The following LRRIQ4 variants were observed in gnomAD, a reference collection of about 807,000 sequenced individuals.
LRRIQ4 encodes leucine rich repeats and IQ motif containing 4.
LRRIQ4 carries 21 observed loss-of-function variants against 40.1 expected under a neutral mutation model. The ratio of observed to expected loss-of-function variants is 0.52; its 90% CI spans 0.37 to 0.75. The LOEUF (loss-of-function observed/expected upper bound fraction) is 0.75, where lower values mean the gene tolerates loss of function less well. Among genes scored for constraint, LRRIQ4 ranks in the 30% least tolerant of loss-of-function variants. The pLI is 0.00. For synonymous variants in LRRIQ4, 277 were observed against 277.1 expected, an observed-to-expected ratio of 1.00 and a Z score of 0.00; for missense variants, 655 against 660.0, an observed-to-expected ratio of 0.99 and a Z score of 0.08.
At position 169,833,637 on chromosome 3, in the gene LRRIQ4, C is replaced by A. The variant is rs1229008882; in HGVS notation, c.1530+454C>A. On this transcript the variant is annotated intron_variant, in intron 5 of 5. Transcript: ENST00000340806. Reference sequence around the variant, plus strand: ...GTAATTCTGCTCTAGCCCTTTGAGCCCATGGAGATGTAGGACAGGTCTGGA... The same window carrying A: ...GTAATTCTGCTCTAGCCCTTTGAGCACATGGAGATGTAGGACAGGTCTGGA... Among the ~76,000 whole-genome samples, 4 of 152,138 alleles carry A rather than the reference C, an allele frequency of 2.6e-5. No homozygotes were observed. The South Asian group carries it at 6.2e-4, about 24-fold the overall frequency.
At position 169,830,626 on chromosome 3, in the gene LRRIQ4, A is replaced by G; in HGVS notation, c.1329A>G (p.Ala443=). 6.2e-7 allele frequency: 1 copy of G among 1,613,908 alleles called. No homozygotes were observed. Among genetic ancestry groups the G allele is most frequent in the Admixed American group, 1.7e-5 (1 of 60,004 alleles). The change falls in exon 4 of 6, where the codon GCA becomes GCG. Residue 443 remains alanine, a synonymous_variant. Coordinates refer to ENST00000340806, the MANE Select transcript of LRRIQ4 (RefSeq NM_001080460.3). The stretch of plus-strand genomic sequence containing the variant: ...AACTTCCAGATGCCATTTGCCAAGC[A>G]CAAGGTGAGGAAACTTAGTAGATTC... ...LKQLPDAICQ[A]QALKELRLED... is the part of the protein sequence containing the mutation.
rs1367601835 is a variant in LRRIQ4 at position 169,827,211 on chromosome 3, T to C, written c.1021-1548T>C. 5.9e-5 allele frequency among the ~76,000 whole-genome samples: 9 copies of C among 152,286 alleles called. No individual in the cohort carries two copies. The East Asian group carries it at 1.7e-3, about 29-fold the overall frequency. On this transcript the variant is annotated intron_variant, in intron 2 of 5. Coordinates refer to ENST00000340806, the MANE Select transcript of LRRIQ4 (RefSeq NM_001080460.3). ...GAATTAAGCCAGATAAAGGAACATA[T>C]GAGTTAAGGAGCTGTTGAGCTATAT...
chr3:169,822,196 T>C lies in LRRIQ4; in HGVS notation c.275T>C (p.Leu92Pro). The C allele has an allele frequency of 6.2e-7, 1 of 1,602,516 alleles. No homozygotes were observed. Among genetic ancestry groups the C allele is most frequent in the Non-Finnish European group, 8.5e-7 (1 of 1,176,818 alleles). Reference sequence around the variant, plus strand: ...AGGAGCCTGTGCCCGGCGCTGGGGCTGCTGAGCAGCCTGGAGAGCCTGGAC... The same window carrying C: ...AGGAGCCTGTGCCCGGCGCTGGGGCCGCTGAGCAGCCTGGAGAGCCTGGAC... ...NLRSLCPALG[L>P]LSSLESLDLS... is the part of the protein sequence containing the mutation. The change falls in exon 2 of 6, where the codon CTG (leucine) becomes CCG (proline). Residue 92 changes from leucine (L) to proline (P), a missense_variant. Physicochemically the swap from Leu to Pro is moderately conservative, Grantham distance 98 (BLOSUM62 -3). Coordinates refer to ENST00000340806, the MANE Select transcript of LRRIQ4 (RefSeq NM_001080460.3).
rs571750831 is a variant in LRRIQ4 at position 169,832,797 on chromosome 3, A to C, written c.1334-190A>C. ...ACTGAATTCTGTTCTCTTCATTTTG[A>C]GAAGGAGCAAACATAGAGCTAGAAC... is the stretch of plus-strand genomic sequence containing the variant. On this transcript the variant is annotated intron_variant, in intron 4 of 5. Coordinates refer to ENST00000340806, the MANE Select transcript of LRRIQ4 (RefSeq NM_001080460.3). 2.6e-5 allele frequency among the ~76,000 whole-genome samples: 4 copies of C among 152,316 alleles called. No individual in the cohort carries two copies. In the South Asian group the frequency reaches 6.2e-4, roughly 24 times the overall value.
chr3:169,833,597 A>G (rs1780235265), intron 5 of LRRIQ4, among the ~76,000 whole-genome samples: 1 of 152,218 alleles, frequency 6.6e-6, no homozygotes, highest in Non-Finnish European at 1.5e-5. Flanking sequence ...TAAGGATCAA[A>G]AGGCTGAGAT....
In LRRIQ4 at chr3:169,821,997, A is replaced by G. The variant is rs780529402; in HGVS notation, c.76A>G (p.Arg26Gly). 1.7e-5 allele frequency: 26 copies of G among 1,568,056 alleles called. 1 individual carries two copies. The highest frequency in any genetic ancestry group is 7.3e-5 in the South Asian group (6 of 82,492). The stretch of plus-strand genomic sequence containing the variant: ...AAATGATCCACAGCACGTCAATGAT[A>G]GAACATTTTTCATTGATGCCTCTAA... ...QRNDPQHVND[R>G]TFFIDASNQS... The change falls in exon 2 of 6, where the codon AGA becomes GGA. Residue 26 changes from arginine to glycine, a missense_variant. Transcript: ENST00000340806.
chr3:169,832,112 G>A (rs1192108333), intron 4 of LRRIQ4, among the ~76,000 whole-genome samples: 1 of 151,912 alleles, frequency 6.6e-6, no homozygotes, highest in African/African-American at 2.4e-5. Context: ...AAATTTTTCA[G>A]TGTTTTCTAT....
chr3:169,836,465 G>T (rs1309760305), intron 5 of LRRIQ4, among the ~76,000 whole-genome samples: 1 of 149,572 alleles, frequency 6.7e-6, no homozygotes, highest in African/African-American at 2.5e-5. Flanking sequence ...ACTTCTCCCT[G>T]TGTCTTCATA....
chr3:169,823,606 A>G (rs536114431), intron 2 of LRRIQ4, among the ~76,000 whole-genome samples: 6 of 152,122 alleles, frequency 3.9e-5, no homozygotes, highest in Non-Finnish European at 7.4e-5. Context: ...TCGGCCTCCC[A>G]AAGTGCTGGG....
rs139863753 is a variant in LRRIQ4 at position 169,816,535 on chromosome 3, T to C, written c.-32+3489T>C. Among the ~76,000 whole-genome samples, 443 of 152,254 alleles carry C rather than the reference T, an allele frequency of 2.9e-3. 3 individuals carry two copies. Among genetic ancestry groups the C allele is most frequent in the African/African-American group, 9.6e-3 (401 of 41,578 alleles). On this transcript the variant is annotated intron_variant, in intron 1 of 5. Transcript: ENST00000340806. The stretch of plus-strand genomic sequence containing the variant: ...ATTTATTGGATCTTCTCTCTTTTTC[T>C]CTTAATCTGGCTAAAAGTTTATTGA...
intron 2 of LRRIQ4, among the ~76,000 whole-genome samples, chr3:169,825,380 C>A (rs774244878): frequency 5.3e-5 from 8 of 152,150 alleles, no homozygotes; most frequent in Non-Finnish European, 1.2e-4. Flanking sequence ...TTTAAAGCTG[C>A]CTTTCAGGAA....
Position 169,822,787 on chromosome 3 carries a change from A to T in LRRIQ4, c.866A>T (p.Asn289Ile). The T allele has an allele frequency of 1.2e-6, 2 of 1,613,748 alleles. No homozygotes were observed. Among genetic ancestry groups the T allele is most frequent in the Non-Finnish European group, 8.5e-7 (1 of 1,179,774 alleles). The change falls in exon 2 of 6, where the codon AAC becomes ATC. Residue 289 changes from asparagine (N) to isoleucine (I), a missense_variant. Transcript: ENST00000340806. ...WTSLHLLYLG[N>I]TGLHRLRGSF... ...TCGCTGCACCTGCTCTACCTGGGAA[A>T]CACCGGCCTGCACAGGCTGCGGGGC...
chr3:169,827,932 G>A (rs931467304), intron 2 of LRRIQ4, among the ~76,000 whole-genome samples: 1 of 152,134 alleles, frequency 6.6e-6, no homozygotes, highest in African/African-American at 2.4e-5. Context: ...ACACAAGCCT[G>A]GGTATTCACT....
intron 3 of LRRIQ4, among the ~76,000 whole-genome samples, chr3:169,829,343 CCT>C (rs1780111612): frequency 6.6e-6 from 1 of 152,128 alleles, no homozygotes; most frequent in Non-Finnish European, 1.5e-5. Flanking sequence ...GGAAGTGTGA[CCT>C]CTCTCCCTGA....
chr3:169,832,385 T>C (rs1036519331), intron 4 of LRRIQ4, among the ~76,000 whole-genome samples: 9 of 151,664 alleles, frequency 5.9e-5, no homozygotes, highest in African/African-American at 2.2e-4. Flanking sequence ...GGAGAATCAC[T>C]TGAACCCGGG....
intron 4 of LRRIQ4, 78 bp from the exon 5 acceptor site, chr3:169,832,909 C>T: frequency 7.7e-7 from 1 of 1,293,404 alleles, no homozygotes; most frequent in Non-Finnish European, 1.1e-6. Flanking sequence ...GATCCCTCAC[C>T]TATGTGGACA....
chr3:169,831,480 TTTTAG>T (rs1780175536), intron 4 of LRRIQ4, among the ~76,000 whole-genome samples: 1 of 93,802 alleles, frequency 1.1e-5, no homozygotes, highest in Non-Finnish European at 2.0e-5. Context: ...TTTTTTTTTT[TTTTAG>T]TAGAGACGGG....
At chr3:169,815,847 A>G (rs113369570) in intron 1 of LRRIQ4, among the ~76,000 whole-genome samples, 3,125 of 152,300 alleles carry the variant, frequency 0.021, 100 homozygotes, top group African/African-American at 0.071. Context: ...TTTATCATGA[A>G]GTGATGTTGA....
At chr3:169,817,030 T>C (rs1035486732) in intron 1 of LRRIQ4, among the ~76,000 whole-genome samples, 14 of 152,030 alleles carry the variant, frequency 9.2e-5, no homozygotes, top group Non-Finnish European at 7.3e-5. Flanking sequence ...CATCATTACA[T>C]TGTTTATTTG....
Sources: gnomAD v4.1 joint callset for allele counts (sites outside exome capture counted in the v4.1 genomes callset) on GRCh38, gnomAD v4.1.1 for gene constraint, MANE v1.5 for transcripts, NCBI Gene and HGNC (gene_info 2026-07-23, HGNC 2026-07-21) for gene names.